The following CHRM1 variants were observed in gnomAD, a reference collection of about 807,000 sequenced individuals.
CHRM1 encodes the protein cholinergic receptor muscarinic 1.
A neutral mutation model predicts 31.6 loss-of-function variants in CHRM1; 5 were observed. The observed-to-expected ratio is 0.16, with a 90% CI of 0.08 to 0.33. CHRM1 has a LOEUF of 0.33. CHRM1 is among the 10% of genes least tolerant of loss of function. CHRM1 has a pLI of 1.00. For synonymous variants in CHRM1, 227 were observed against 249.7 expected (o/e 0.91, Z 0.86); for missense variants, 338 against 610.3 (o/e 0.55, Z 4.70).
At chr11:62,919,731 C>T (rs1438763677) in intron 1 of CHRM1, among the ~76,000 whole-genome samples, 1 of 152,190 alleles carries the variant, frequency 6.6e-6, no homozygotes, top group Non-Finnish European at 1.5e-5. Context: ...CTTACTGCGC[C>T]CCCTGCTCTC....
In CHRM1 at chr11:62,918,667, A is replaced by G. The variant is rs866735095; in HGVS notation, c.-79+2551T>C. Among the ~76,000 whole-genome samples the G allele has an allele frequency of 8.5e-5, 13 of 152,250 alleles. No individual in the cohort carries two copies. The South Asian group carries it at 2.3e-3, about 27-fold the overall frequency. ...AAGCATTTGTCACTGGGGAGAGGAG[A>G]ATGTTAGCCTGGGCTCAAAGGGTTA... On this transcript the variant is annotated intron_variant, in intron 1 of 1. Coordinates refer to ENST00000306960, the MANE Select transcript of CHRM1 (RefSeq NM_000738.3).
intron 1 of CHRM1, among the ~76,000 whole-genome samples, chr11:62,918,583 C>T (rs2085913375): frequency 6.6e-6 from 1 of 152,194 alleles, no homozygotes; most frequent in South Asian, 2.1e-4. Flanking sequence ...CAAGGAAACC[C>T]TGCCTCACCC....
intron 1 of CHRM1, among the ~76,000 whole-genome samples, chr11:62,913,426 C>G (rs2085883105): frequency 6.6e-6 from 1 of 152,160 alleles, no homozygotes. Context: ...AATCCCAGCA[C>G]TTTGGGAGAC....
chr11:62,912,969 C>T (rs1016144336), intron 1 of CHRM1, among the ~76,000 whole-genome samples: 2 of 152,140 alleles, frequency 1.3e-5, no homozygotes, highest in Admixed American at 1.3e-4. Context: ...CATGGTTTGC[C>T]GTGAACCCTC....
chr11:62,911,993 G>T (rs1322833018), intron 1 of CHRM1, among the ~76,000 whole-genome samples: 1 of 152,112 alleles, frequency 6.6e-6, no homozygotes, highest in East Asian at 1.9e-4. Context: ...TATGTAGGGG[G>T]TGGTATTTGG....
intron 1 of CHRM1, among the ~76,000 whole-genome samples, chr11:62,920,466 T>C (rs1173405523): frequency 6.6e-6 from 1 of 151,986 alleles, no homozygotes; most frequent in Non-Finnish European, 1.5e-5. Context: ...TGGGTGCCCA[T>C]TGGTATCCAT....
At chr11:62,917,408 T>A (rs887971758) in intron 1 of CHRM1, among the ~76,000 whole-genome samples, 2 of 152,048 alleles carry the variant, frequency 1.3e-5, no homozygotes, top group African/African-American at 2.4e-5. Flanking sequence ...ATGCAGTGAG[T>A]TTGTCAATGG....
intron 1 of CHRM1, among the ~76,000 whole-genome samples, chr11:62,915,482 C>A (rs915500677): frequency 6.6e-6 from 1 of 152,172 alleles, no homozygotes; most frequent in African/African-American, 2.4e-5. Flanking sequence ...AGACAGACAG[C>A]CAGCCTGTGG....
intron 1 of CHRM1, among the ~76,000 whole-genome samples, chr11:62,916,680 C>T (rs2085901998): frequency 1.3e-5 from 2 of 152,348 alleles, no homozygotes; most frequent in South Asian, 4.1e-4. Context: ...CAGTGGACAT[C>T]CCATGGGGGG....
Position 62,910,580 on chromosome 11 carries a change from A to G in CHRM1, c.521T>C (p.Leu174Pro). ...GAACTGGATGTAGCACTGCCCAGCT[A>G]GCACTGTCCGCTCCCCTACCAGGTA... is the stretch of plus-strand genomic sequence containing the variant. ...WQYLVGERTV[L>P]AGQCYIQFLS... Residue 174 changes from leucine to proline, a missense_variant, in exon 2 of 2, where the codon CTA becomes CCA. By Grantham distance (98) the Leu-to-Pro change is moderately conservative. Coordinates refer to ENST00000306960, the MANE Select transcript of CHRM1 (RefSeq NM_000738.3). This position sits in a 1 kb window ranked among gnomAD's most constrained non-coding sequence, Gnocchi z 8.7. 1 of 1,614,198 alleles carries G rather than the reference A, an allele frequency of 6.2e-7. No homozygotes were observed.
chr11:62,911,157 T>G lies in CHRM1; in HGVS notation c.-57A>C. ...CCTTCCTCCAGGCACGCTACAGGGCTTCCTCAGGGGAAAGTCATCACCTGA... is the reference window on the plus strand; with the variant it reads ...CCTTCCTCCAGGCACGCTACAGGGCGTCCTCAGGGGAAAGTCATCACCTGA... On this transcript the variant is annotated 5_prime_UTR_variant, in exon 2 of 2. Coordinates refer to ENST00000306960, the MANE Select transcript of CHRM1 (RefSeq NM_000738.3). The G allele has an allele frequency of 6.5e-7, 1 of 1,535,186 alleles. No individual in the cohort carries two copies. The highest frequency in any genetic ancestry group is 8.9e-7 in the Non-Finnish European group (1 of 1,127,716).
chr11:62,911,819 A>G (rs926010722), intron 1 of CHRM1, among the ~76,000 whole-genome samples: 8 of 152,126 alleles, frequency 5.3e-5, no homozygotes, highest in African/African-American at 9.7e-5. Flanking sequence ...CTCCCCGGGT[A>G]TGTGGTGCTC....
At chr11:62,915,233 G>A (rs995066332) in intron 1 of CHRM1, among the ~76,000 whole-genome samples, 2 of 148,348 alleles carry the variant, frequency 1.3e-5, no homozygotes, top group Non-Finnish European at 3.0e-5. Context: ...AGCAGGCTAG[G>A]ACTAGGGTAA....
At chr11:62,920,734 G>A (rs577885374) in intron 1 of CHRM1, 1 of 152,304 alleles carries the variant, frequency 6.6e-6, no homozygotes, top group Non-Finnish European at 1.5e-5. Context: ...GGGGAGCTGA[G>A]GTGGACGGGG....
rs2067477 is a variant in CHRM1, at chr11:62,910,834, G to T, written c.267C>A (p.Gly89=). The change falls in exon 2 of 2, where the codon GGC becomes GGA. Residue 89 remains glycine, a synonymous_variant. Coordinates refer to ENST00000306960, the MANE Select transcript of CHRM1 (RefSeq NM_000738.3). This position sits in a 1 kb window ranked among gnomAD's most constrained non-coding sequence, Gnocchi z 8.7. ...MNLYTTYLLM[G]HWALGTLACD... ...AAGCCAGCGTGCCCAGAGCCCAGTG[G>T]CCCATGAGCAGGTACGTGGTATAGA... is the stretch of plus-strand genomic sequence containing the variant. 0.091 allele frequency: 147,525 copies of T among 1,614,004 alleles called. 8,404 individuals carry two copies. Among genetic ancestry groups the T allele is most frequent in the Admixed American group, 0.26 (15,706 of 59,986 alleles).
intron 1 of CHRM1, among the ~76,000 whole-genome samples, chr11:62,915,502 T>A (rs1385085459): frequency 1.3e-5 from 2 of 152,228 alleles, no homozygotes; most frequent in Non-Finnish European, 2.9e-5. Context: ...GGCTGGAATT[T>A]GCTATTTGAT....
chr11:62,921,559 A>C (rs562962739), upstream of CHRM1: 2 of 153,274 alleles, frequency 1.3e-5, no homozygotes, highest in African/African-American at 4.8e-5. Flanking sequence ...GAGAAAGGAC[A>C]TGAGGAAGGC....
chr11:62,911,333 G>A (rs1462491587), intron 1 of CHRM1, among the ~76,000 whole-genome samples, 155 bp from the exon 2 acceptor site: 1 of 152,186 alleles, frequency 6.6e-6, no homozygotes, highest in Admixed American at 6.5e-5. Flanking sequence ...CATTTATCAT[G>A]CACTTTCCCA....
At chr11:62,915,606 G>A (rs2085896378) in intron 1 of CHRM1, among the ~76,000 whole-genome samples, 1 of 152,150 alleles carries the variant, frequency 6.6e-6, no homozygotes, top group Non-Finnish European at 1.5e-5. Context: ...TGCCTTGCTT[G>A]ATTCACCCTA....
Sources: gnomAD v4.1 joint callset for allele counts (sites outside exome capture counted in the v4.1 genomes callset) on GRCh38, gnomAD v4.1.1 for gene constraint, Gnocchi (gnomAD v3.1) non-coding constraint, MANE v1.5 for transcripts, NCBI Gene and HGNC (gene_info 2026-07-23, HGNC 2026-07-21) for gene names.